Variants in TLE2 observed in about 807,000 individuals in gnomAD.
TLE2 encodes transducin-like enhancer protein 2.
In TLE2, 74 loss-of-function variants were observed where a neutral mutation model predicts 97.2. That is an observed-to-expected ratio of 0.76 (90% CI 0.63 to 0.92). The LOEUF is 0.92. Among genes scored for constraint, TLE2 ranks in the 40% least tolerant of loss-of-function variants. The probability of loss-of-function intolerance (pLI) is 0.00; values close to 1 mark genes in which losing one functional copy is unlikely to be tolerated. For missense variants in TLE2, 1,038 were observed against 1,008.7 expected (o/e 1.03, Z -0.39); for synonymous variants, 499 against 432.1 (o/e 1.15, Z -1.92).
chr19:3,031,403 C>G (rs1018588005), upstream of TLE2, among the ~76,000 whole-genome samples: 7 of 142,780 alleles, frequency 4.9e-5, no homozygotes, highest in Admixed American at 4.3e-4. Flanking sequence ...TCACTAGCTC[C>G]CTATTGCCCT....
upstream of TLE2, among the ~76,000 whole-genome samples, chr19:3,032,042 T>C (rs932647290): frequency 2.0e-5 from 3 of 151,646 alleles, no homozygotes; most frequent in Admixed American, 6.6e-5. This position sits in a 1 kb window ranked among gnomAD's most constrained non-coding sequence, Gnocchi z 4.1. Context: ...GCGATTCTCC[T>C]GCCTCGGCCT....
At chr19:3,037,606 C>G (rs948396267) in intron 1 of TLE2, among the ~76,000 whole-genome samples, 2 of 152,124 alleles carry the variant, frequency 1.3e-5, no homozygotes, top group Admixed American at 6.5e-5. Flanking sequence ...GGGTTCTGAC[C>G]AGCAGGAGTC....
chr19:3,026,039 T>C (rs1046821939), intron 4 of TLE2, among the ~76,000 whole-genome samples: 1 of 151,922 alleles, frequency 6.6e-6, no homozygotes, highest in African/African-American at 2.4e-5. Flanking sequence ...TCTGATAGAA[T>C]CTAGGAGCCC....
At chr19:3,044,411 A>T (rs1428780837) in intron 1 of TLE2, among the ~76,000 whole-genome samples, 1 of 151,732 alleles carries the variant, frequency 6.6e-6, no homozygotes, top group African/African-American at 2.4e-5. Context: ...CACCCATCTC[A>T]CTGGCTTCTC....
chr19:3,031,281 G>C (rs1192392002), upstream of TLE2, among the ~76,000 whole-genome samples: 1 of 151,176 alleles, frequency 6.6e-6, no homozygotes, highest in African/African-American at 2.4e-5. Flanking sequence ...AGACCTGAAC[G>C]ATGAGGTTGG....
chr19:3,012,092 A>G lies in TLE2; in HGVS notation c.874-932T>C, dbSNP rs554178098. Among the ~76,000 whole-genome samples, 5 of 151,826 alleles carry G rather than the reference A, an allele frequency of 3.3e-5. No homozygotes were observed. The South Asian group carries it at 1.0e-3, about 32-fold the overall frequency. ...AAACCTCGTCTCTACTAAAAATACA[A>G]AAAATTAGCCAGGCGTGGTGGCACG... is the stretch of plus-strand genomic sequence containing the variant. On this transcript the variant is annotated intron_variant, in intron 11 of 19. Transcript: ENST00000262953.
intron 14 of TLE2, among the ~76,000 whole-genome samples, chr19:3,008,487 A>G (rs1362328954): frequency 3.5e-5 from 5 of 143,556 alleles, no homozygotes; most frequent in Non-Finnish European, 6.0e-5. Context: ...GTCTCGCTCT[A>G]TTGCCCAGGC....
In TLE2 at chr19:3,013,800, G is replaced by T; in HGVS notation, c.742C>A (p.Pro248Thr). The T allele has an allele frequency of 6.5e-7, 1 of 1,547,470 alleles. No individual in the cohort carries two copies. Among genetic ancestry groups the T allele is most frequent in the Non-Finnish European group, 8.7e-7 (1 of 1,152,236 alleles). The change falls in exon 11 of 20, where the codon CCC becomes ACC. Residue 248 changes from proline to threonine, a missense_variant. Coordinates refer to ENST00000262953, the MANE Select transcript of TLE2 (RefSeq NM_003260.5). Reference protein sequence around the residue: ...VVDEDQPSEPPSPATTPCGKV... With the variant: ...VVDEDQPSEPTSPATTPCGKV... ...CCGCAGGGGGTGGTAGCCGGGCTGG[G>T]GGGCTCTGAGGGTTGGTCCTGGGTT...
Position 3,008,731 on chromosome 19 carries a change from G to C in TLE2, c.1250+138C>G, listed in dbSNP as rs2089527324. The stretch of plus-strand genomic sequence containing the variant: ...CTTCCAAAGTGCTGGGATTACAGGA[G>C]TGAACCACTGTGCCCGGCCCACACA... On this transcript the variant is annotated intron_variant, in intron 14 of 19. Transcript: ENST00000262953. 7.0e-6 allele frequency: 4 copies of C among 567,928 alleles called. No individual in the cohort carries two copies. In the South Asian group the frequency reaches 1.6e-4, roughly 22 times the overall value. The allele number at this position is 567,928 out of a possible 1,614,324, so 35.2% of individuals were successfully genotyped here.
Position 3,000,668 on chromosome 19 carries a change from C to T in TLE2, c.2103G>A (p.Pro701=), listed in dbSNP as rs374105223. 4.8e-5 allele frequency: 76 copies of T among 1,592,072 alleles called. No individual in the cohort carries two copies. Among genetic ancestry groups the T allele is most frequent in the African/African-American group, 2.6e-4 (19 of 74,508 alleles). ...KDNLLNAWRT[P]YGASIFQSKE... ...GTACCTGGAAAATGCTGGCCCCGTA[C>T]GGCGTCCTCCAGGCGTTGAGCAGGT... The change falls in exon 19 of 20, where the codon CCG becomes CCA. Residue 701 remains proline, a synonymous_variant. Coordinates refer to ENST00000262953, the MANE Select transcript of TLE2 (RefSeq NM_003260.5).
At chr19:3,031,626 G>C (rs553288493), upstream of TLE2, among the ~76,000 whole-genome samples, 32 of 151,926 alleles carry the variant, frequency 2.1e-4, no homozygotes, top group African/African-American at 7.5e-4. Context: ...CACTGCACCC[G>C]GCCAGCCAGC....
intron 2 of TLE2, 142 bp downstream of exon 2, chr19:3,028,564 T>C (rs1384433573): frequency 4.8e-6 from 5 of 1,046,294 alleles, no homozygotes; most frequent in Non-Finnish European, 6.9e-6. Flanking sequence ...CAGACCCCTC[T>C]GCACCTGCGC....
chr19:3,018,347 G>A lies in TLE2; in HGVS notation c.551-488C>T, dbSNP rs192249343. Reference sequence around the variant, plus strand: ...GAATGAGACAGAGTCTCACTCTGTCGCCCAGGCTGGACTTGGCTCACTGCA... The same window carrying A: ...GAATGAGACAGAGTCTCACTCTGTCACCCAGGCTGGACTTGGCTCACTGCA... On this transcript the variant is annotated intron_variant, in intron 7 of 19. Coordinates refer to ENST00000262953, the MANE Select transcript of TLE2 (RefSeq NM_003260.5). Among the ~76,000 whole-genome samples the A allele has an allele frequency of 2.0e-3, 307 of 151,480 alleles. 2 individuals are homozygous for A. The Middle Eastern group carries it at 0.02, about 10-fold the overall frequency.
chr19:3,008,349 C>T (rs920482690), intron 14 of TLE2, among the ~76,000 whole-genome samples: 3 of 152,218 alleles, frequency 2.0e-5, no homozygotes, highest in East Asian at 1.9e-4. Context: ...GACAACCACA[C>T]GTGTCCCCCG....
chr19:3,033,309 A>C (rs2090040056), upstream of TLE2, among the ~76,000 whole-genome samples: 1 of 152,128 alleles, frequency 6.6e-6, no homozygotes, highest in African/African-American at 2.4e-5. Context: ...CTGGGACTAC[A>C]GGCGCCCACC....
chr19:3,017,747 C>T (rs927960066), intron 8 of TLE2, 93 bp downstream of exon 8: 60 of 1,240,458 alleles, frequency 4.8e-5, no homozygotes, highest in East Asian at 5.1e-5. Context: ...CCACCATGAT[C>T]GACCTAGGTC....
Position 3,028,371 on chromosome 19 carries a change from T to C in TLE2, c.134A>G (p.Glu45Gly), listed in dbSNP as rs1180625035. The change falls in exon 3 of 20, where the codon GAA becomes GGA. Residue 45 changes from glutamate (E) to glycine (G), a missense_variant. By Grantham distance (98) the Glu-to-Gly change is moderately conservative (BLOSUM62 -2). Coordinates refer to ENST00000262953, the MANE Select transcript of TLE2 (RefSeq NM_003260.5). ...LQAQYHSLKL[E>G]CEKLASEKTE... is the part of the protein sequence containing the mutation. ...CTTCTCGCTGGCCAGCTTCTCACAT[T>C]CTAGCTTGAGGCTGAGAAGAAGAGA... The C allele has an allele frequency of 1.2e-6, 2 of 1,607,398 alleles. No homozygotes were observed. The highest frequency in any genetic ancestry group is 4.5e-5 in the East Asian group (2 of 44,772).
chr19:3,007,964 C>A (rs1418719055), intron 14 of TLE2, among the ~76,000 whole-genome samples: 1 of 151,902 alleles, frequency 6.6e-6, no homozygotes, highest in African/African-American at 2.4e-5. Flanking sequence ...TGCCTGTAAT[C>A]CCAGCTACTC....
intron 9 of TLE2, among the ~76,000 whole-genome samples, chr19:3,014,973 A>C (rs899704649): frequency 6.6e-6 from 1 of 151,056 alleles, no homozygotes; most frequent in African/African-American, 2.4e-5. Flanking sequence ...ACTCCGCCTT[A>C]ATAAATAAAT....
Sources: allele counts gnomAD v4.1 joint callset (sites outside exome capture counted in the v4.1 genomes callset), GRCh38; gene constraint gnomAD v4.1.1; non-coding constraint Gnocchi (gnomAD v3.1); transcripts MANE v1.5; gene names NCBI Gene and HGNC (gene_info 2026-07-23, HGNC 2026-07-21).